Variants in CAMK1G observed in about 807,000 individuals in gnomAD.
The protein encoded by CAMK1G is calcium/calmodulin dependent protein kinase IG.
In CAMK1G, 27 loss-of-function variants were observed where a neutral mutation model predicts 54.8. The observed-to-expected ratio is 0.49, with a 90% confidence interval of 0.36 to 0.68. The LOEUF is 0.68. Ranked by LOEUF, CAMK1G falls within the 30% of genes least tolerant of loss-of-function variation. CAMK1G has a pLI of 0.00. For missense variants in CAMK1G, 512 were observed against 591.0 expected, an observed-to-expected ratio of 0.87 and a Z score of 1.39; for synonymous variants, 238 against 224.9, an observed-to-expected ratio of 1.06 and a Z score of -0.52.
chr1:209,596,106 C>G (rs1004305027), intron 2 of CAMK1G, among the ~76,000 whole-genome samples: 1 of 152,222 alleles, frequency 6.6e-6, no homozygotes, highest in Non-Finnish European at 1.5e-5. Context: ...AGGCAGTGAC[C>G]TCGGGCAATG....
chr1:209,591,169 G>A lies in CAMK1G; in HGVS notation c.-29-3786G>A, dbSNP rs1355580764. 1.3e-5 allele frequency among the ~76,000 whole-genome samples: 2 copies of A among 152,208 alleles called. 1 individual carries two copies. The highest frequency in any genetic ancestry group is 4.2e-4 in the South Asian group (2 of 4,816). On this transcript the variant is annotated intron_variant, in intron 1 of 12. Coordinates refer to ENST00000361322, the MANE Select transcript of CAMK1G (RefSeq NM_020439.3). ...CCACCTTGTGTACCGTGCCCTCGAA[G>A]TCAAGTGTCAGCCCACCACTGCCAG...
At chr1:209,600,702 G>A (rs373654747) in intron 3 of CAMK1G, among the ~76,000 whole-genome samples, 7 of 152,194 alleles carry the variant, frequency 4.6e-5, no homozygotes, top group Non-Finnish European at 7.3e-5. Flanking sequence ...CAACAAAATC[G>A]GATGTGAGTC....
intron 9 of CAMK1G, among the ~76,000 whole-genome samples, chr1:209,610,734 G>A (rs1314776495): frequency 3.9e-5 from 6 of 152,080 alleles, no homozygotes; most frequent in African/African-American, 7.2e-5. Context: ...TTAATCACAC[G>A]GCTTACCATG....
At chr1:209,606,705 G>A (rs145654288) in intron 6 of CAMK1G, among the ~76,000 whole-genome samples, 10 of 152,250 alleles carry the variant, frequency 6.6e-5, no homozygotes, top group East Asian at 5.8e-4. Context: ...TCATTTCTGC[G>A]GATAGACTTC....
intron 3 of CAMK1G, among the ~76,000 whole-genome samples, chr1:209,600,610 A>G (rs868350489): frequency 1.1e-4 from 17 of 152,376 alleles, no homozygotes; most frequent in Middle Eastern, 3.4e-3. Flanking sequence ...TGAACACAGG[A>G]TCAGAACCAC....
chr1:209,584,646 TG>T (rs1171830122), intron 1 of CAMK1G, among the ~76,000 whole-genome samples: 8 of 152,188 alleles, frequency 5.3e-5, no homozygotes, highest in Admixed American at 3.9e-4. Flanking sequence ...GGGCTCACGC[TG>T]GTCTGGCTGC....
chr1:209,603,166 G>A, intron 3 of CAMK1G, 48 bp from the exon 4 acceptor site: 1 of 1,600,112 alleles, frequency 6.2e-7, no homozygotes, highest in Non-Finnish European at 8.6e-7. Flanking sequence ...TTATTTGTCT[G>A]TACAACCTGA....
intron 7 of CAMK1G, 30 bp downstream of exon 7, chr1:209,607,963 A>G (rs1398250855): frequency 1.9e-6 from 3 of 1,567,822 alleles, no homozygotes; most frequent in East Asian, 2.2e-5. Flanking sequence ...GGTTCAGCTG[A>G]TGAGAAGTCT....
intron 2 of CAMK1G, among the ~76,000 whole-genome samples, chr1:209,597,646 C>T (rs979394568): frequency 6.6e-6 from 1 of 152,204 alleles, no homozygotes; most frequent in African/African-American, 2.4e-5. Flanking sequence ...ATAGAGCAAG[C>T]TCGGGCGGCT....
In CAMK1G at chr1:209,605,566, C is replaced by T. The variant is rs1447700425; in HGVS notation, c.327C>T (p.Ile109=). The T allele has an allele frequency of 6.2e-7, 1 of 1,614,004 alleles. No individual in the cohort carries two copies. Residue 109 remains isoleucine (I), a synonymous_variant, in exon 5 of 13, where the codon ATC becomes ATT. Coordinates refer to ENST00000361322, the MANE Select transcript of CAMK1G (RefSeq NM_020439.3). ...CTGGTGGGGAGCTCTTTGACCGGATCCTGGAGCGGGGTGTCTACACAGAGA... is the reference window on the plus strand; with the variant it reads ...CTGGTGGGGAGCTCTTTGACCGGATTCTGGAGCGGGGTGTCTACACAGAGA... ...LVSGGELFDR[I]LERGVYTEKD...
chr1:209,604,073 C>T lies in CAMK1G; in HGVS notation c.296+785C>T, dbSNP rs891159311. ...ACACTTGCACATGCACAGACATACACGCACTCACACACCACTCTGCAATCT... is the reference window on the plus strand; with the variant it reads ...ACACTTGCACATGCACAGACATACATGCACTCACACACCACTCTGCAATCT... On this transcript the variant is annotated intron_variant, in intron 4 of 12. Transcript: ENST00000361322. Among the ~76,000 whole-genome samples the T allele has an allele frequency of 9.8e-5, 15 of 152,294 alleles. No individual in the cohort carries two copies. In the East Asian group the frequency reaches 1.9e-3, roughly 20 times the overall value.
chr1:209,590,647 G>A (rs1475905514), intron 1 of CAMK1G, among the ~76,000 whole-genome samples: 3 of 152,150 alleles, frequency 2.0e-5, no homozygotes, highest in African/African-American at 2.4e-5. Flanking sequence ...AGTGATGGAC[G>A]CCTGGCTCTT....
At chr1:209,584,985 T>A (rs1025426696) in intron 1 of CAMK1G, among the ~76,000 whole-genome samples, 1 of 152,224 alleles carries the variant, frequency 6.6e-6, no homozygotes, top group Non-Finnish European at 1.5e-5. Context: ...CATGTATTAT[T>A]TCCCCTTTAG....
intron 2 of CAMK1G, among the ~76,000 whole-genome samples, chr1:209,595,378 C>T (rs958526148): frequency 2.0e-5 from 3 of 152,058 alleles, no homozygotes; most frequent in East Asian, 1.9e-4. Flanking sequence ...ACCGAGATTG[C>T]GCTACTGTAT....
intron 1 of CAMK1G, among the ~76,000 whole-genome samples, chr1:209,585,459 G>C (rs1412879935): frequency 6.6e-6 from 1 of 152,220 alleles, no homozygotes; most frequent in Non-Finnish European, 1.5e-5. Context: ...GTGACGAGAA[G>C]ACTAGCGTTG....
At chr1:209,584,260 G>A (rs1337339974) in intron 1 of CAMK1G, among the ~76,000 whole-genome samples, 1 of 152,134 alleles carries the variant, frequency 6.6e-6, no homozygotes. Context: ...GGGTTATTGG[G>A]AGGATTAGCA....
At chr1:209,600,204 A>G in intron 3 of CAMK1G, 93 bp downstream of exon 3, 1 of 1,447,482 alleles carries the variant, frequency 6.9e-7, no homozygotes, top group Non-Finnish European at 9.4e-7. Flanking sequence ...GGATTTCTGC[A>G]CCCAAAGGCA....
chr1:209,604,991 G>T (rs1665612601), intron 4 of CAMK1G, among the ~76,000 whole-genome samples: 1 of 152,120 alleles, frequency 6.6e-6, no homozygotes, highest in Admixed American at 6.5e-5. Flanking sequence ...TGATCTTTAA[G>T]CTCCCCTGGG....
In CAMK1G at chr1:209,611,856, C is replaced by A; in HGVS notation, c.980C>A (p.Pro327Gln). ...AAGCTACACATGAACCTGCACAGCC[C>A]GGGCGTCCGCCCAGAGGTGGAGAAC... ...MRKLHMNLHS[P>Q]GVRPEVENRP... Residue 327 changes from proline to glutamine, a missense_variant, in exon 11 of 13, where the codon CCG becomes CAG. Physicochemically the swap from Pro to Gln is moderately conservative, Grantham distance 76. This residue lies in a region of CAMK1G where 315 missense variants were observed against 330.5 expected (regional missense o/e 0.95). Coordinates refer to ENST00000361322, the MANE Select transcript of CAMK1G (RefSeq NM_020439.3). 1 of 1,614,230 alleles carries A rather than the reference C, an allele frequency of 6.2e-7. No individual in the cohort carries two copies. Among genetic ancestry groups the A allele is most frequent in the Non-Finnish European group, 8.5e-7 (1 of 1,180,038 alleles).
Sources: gnomAD v4.1 joint callset for allele counts (sites outside exome capture counted in the v4.1 genomes callset) on GRCh38, gnomAD v4.1.1 for gene constraint, gnomAD v4.1.1 regional missense constraint, MANE v1.5 for transcripts, NCBI Gene and HGNC (gene_info 2026-07-23, HGNC 2026-07-21) for gene names.